Variants in AGBL1 observed in about 807,000 individuals in gnomAD.
AGBL1 encodes the protein cytosolic carboxypeptidase 4.
In AGBL1, 130 loss-of-function variants were observed where a neutral mutation model predicts 118.9. The ratio of observed to expected loss-of-function variants is 1.09; its 90% CI spans 0.95 to 1.26. The LOEUF is 1.26. Among genes scored for constraint, AGBL1 ranks in the 50% most tolerant of loss-of-function variants. The pLI is 0.00. For missense variants in AGBL1, 1,584 were observed against 1,298.1 expected (o/e 1.22, Z -3.38); for synonymous variants, 555 against 478.9 (o/e 1.16, Z -2.08).
At chr15:86,838,707 A>T (rs556413090) in intron 22 of AGBL1, among the ~76,000 whole-genome samples, 3 of 152,084 alleles carry the variant, frequency 2.0e-5, no homozygotes, top group African/African-American at 4.8e-5. Flanking sequence ...TGAGAGGCCG[A>T]GGCAGAAAGA....
intron 18 of AGBL1, among the ~76,000 whole-genome samples, chr15:86,424,894 G>T (rs2081845252): frequency 6.6e-6 from 1 of 152,148 alleles, no homozygotes; most frequent in Non-Finnish European, 1.5e-5. Flanking sequence ...GAAACAACAG[G>T]TGCTGGAGAG....
rs143647650 is a variant in AGBL1, at chr15:86,469,153, C to T, written c.2556-53657C>T. ...AATACATTATTATTAACTATAGGCA[C>T]CTTGAAGTACAAGTTCTCCAGAACT... On this transcript the variant is annotated intron_variant, in intron 18 of 22. Coordinates refer to ENST00000614907, the MANE Select transcript of AGBL1 (RefSeq NM_001386094.1). Among the ~76,000 whole-genome samples the T allele has an allele frequency of 3.5e-3, 530 of 152,178 alleles. 3 individuals carry two copies. Among genetic ancestry groups the T allele is most frequent in the African/African-American group, 0.012 (507 of 41,514 alleles).
intron 21 of AGBL1, among the ~76,000 whole-genome samples, chr15:86,654,128 C>T (rs925635370): frequency 1.3e-5 from 2 of 152,082 alleles, no homozygotes; most frequent in African/African-American, 4.8e-5. Context: ...GCCACAAACT[C>T]AGATGTCTCT....
chr15:86,720,730 A>C (rs919339972), intron 22 of AGBL1, among the ~76,000 whole-genome samples: 2 of 152,148 alleles, frequency 1.3e-5, no homozygotes, highest in Non-Finnish European at 2.9e-5. Context: ...AAAAGAAGAT[A>C]AGAAAGGAAG....
intron 18 of AGBL1, among the ~76,000 whole-genome samples, chr15:86,435,616 G>C (rs1455449218): frequency 1.3e-5 from 2 of 152,198 alleles, no homozygotes; most frequent in Non-Finnish European, 2.9e-5. Context: ...AGAATTTGGA[G>C]CATCTGAAGT....
chr15:86,781,567 C>T (rs757921418), intron 22 of AGBL1, among the ~76,000 whole-genome samples: 1 of 152,128 alleles, frequency 6.6e-6, no homozygotes, highest in Non-Finnish European at 1.5e-5. Flanking sequence ...TCTTTTCTTA[C>T]CCCACTCTTT....
At chr15:86,324,403 C>A (rs2080152636) in intron 17 of AGBL1, among the ~76,000 whole-genome samples, 1 of 152,152 alleles carries the variant, frequency 6.6e-6, no homozygotes. Flanking sequence ...GTGGAGTAGA[C>A]AAAGGGCCTT....
At position 86,545,880 on chromosome 15, in the gene AGBL1, C is replaced by T. The variant is rs551783231; in HGVS notation, c.2686-122C>T. ...GCTGGTCTGCTAACTCAACAGCATCCGAGAAAGTTGACATTGTAAACTTTC... is the reference window on the plus strand; with the variant it reads ...GCTGGTCTGCTAACTCAACAGCATCTGAGAAAGTTGACATTGTAAACTTTC... On this transcript the variant is annotated intron_variant, in intron 19 of 22. Transcript: ENST00000614907. 5.8e-5 allele frequency: 71 copies of T among 1,232,082 alleles called. 1 individual carries two copies. The highest frequency in any genetic ancestry group is 1.1e-4 in the South Asian group (7 of 66,230). The allele number at this position is 1,232,082 out of a possible 1,614,324, so 76.3% of individuals were successfully genotyped here.
At chr15:86,920,982 T>C (rs2080476709), downstream of AGBL1, among the ~76,000 whole-genome samples, 1 of 152,134 alleles carries the variant, frequency 6.6e-6, no homozygotes, top group African/African-American at 2.4e-5. Context: ...AGGGCATTCA[T>C]TTTCAGAGTG....
At chr15:86,802,016 A>T (rs1389056631) in intron 22 of AGBL1, among the ~76,000 whole-genome samples, 1 of 152,112 alleles carries the variant, frequency 6.6e-6, no homozygotes, top group Non-Finnish European at 1.5e-5. Flanking sequence ...TTGGAGACTA[A>T]ACAGCTCCCT....
chr15:86,207,093 T>A (rs1419187178), intron 5 of AGBL1, among the ~76,000 whole-genome samples: 8 of 152,210 alleles, frequency 5.3e-5, no homozygotes, highest in Admixed American at 5.2e-4. Flanking sequence ...CTTGTTTTTG[T>A]CAGGTTTGTC....
intron 21 of AGBL1, among the ~76,000 whole-genome samples, chr15:86,586,687 A>AG: frequency 6.6e-6 from 1 of 152,210 alleles, no homozygotes; most frequent in African/African-American, 2.4e-5. Flanking sequence ...AGGTAAAATC[A>AG]TAAATAAATT....
At chr15:86,964,752 A>C (rs1472589845) in intron 23 of AGBL1, among the ~76,000 whole-genome samples, 4 of 151,770 alleles carry the variant, frequency 2.6e-5, no homozygotes, top group African/African-American at 4.8e-5. Context: ...CCCATCATCT[A>C]GGTATTTCTC....
chr15:87,030,995 G>A (rs2081777508), downstream of AGBL1, among the ~76,000 whole-genome samples: 2 of 151,862 alleles, frequency 1.3e-5, no homozygotes, highest in South Asian at 2.1e-4. Flanking sequence ...GAGTGACATC[G>A]ATTTGCTGTC....
chr15:86,246,265 G>A (rs1224054680), intron 6 of AGBL1, among the ~76,000 whole-genome samples: 1 of 152,210 alleles, frequency 6.6e-6, no homozygotes, highest in African/African-American at 2.4e-5. Context: ...GTTAGTTGGG[G>A]TGTGTGGAGG....
intron 24 of AGBL1, among the ~76,000 whole-genome samples, chr15:86,998,211 G>GTGA (rs1223913062): frequency 6.6e-6 from 1 of 152,112 alleles, no homozygotes; most frequent in Non-Finnish European, 1.5e-5. Flanking sequence ...TATAGCAAAA[G>GTGA]TGATAGGATA....
At chr15:86,622,356 G>A (rs953881843) in intron 21 of AGBL1, among the ~76,000 whole-genome samples, 9 of 151,118 alleles carry the variant, frequency 6.0e-5, no homozygotes, top group Non-Finnish European at 1.3e-4. Flanking sequence ...GGGGGTAGGG[G>A]GTCCACACAA....
downstream of AGBL1, among the ~76,000 whole-genome samples, chr15:87,030,411 TTTCTTA>T (rs1460619540): frequency 4.6e-5 from 7 of 152,030 alleles, no homozygotes; most frequent in Non-Finnish European, 1.5e-5. Context: ...CAGGTAAGTA[TTTCTTA>T]TTGAACAGTA....
intron 22 of AGBL1, among the ~76,000 whole-genome samples, chr15:86,679,353 A>T (rs1343609652): frequency 6.6e-6 from 1 of 152,056 alleles, no homozygotes; most frequent in African/African-American, 2.4e-5. Context: ...TCATCTAAAA[A>T]ATGTGTATTT....
Sources: gnomAD v4.1 joint callset for allele counts (sites outside exome capture counted in the v4.1 genomes callset) on GRCh38, gnomAD v4.1.1 for gene constraint, MANE v1.5 for transcripts, NCBI Gene and HGNC (gene_info 2026-07-23, HGNC 2026-07-21) for gene names.